The following CAST variants were observed in gnomAD, a reference collection of about 807,000 sequenced individuals.
The protein encoded by CAST is MIR583 host.
CAST carries 76 observed loss-of-function variants against 119.6 expected under a neutral mutation model. The observed-to-expected ratio is 0.64, with a 90% CI of 0.53 to 0.77. The LOEUF is 0.77. CAST is among the 30% of genes least tolerant of loss of function. CAST has a pLI of 0.00. For synonymous variants in CAST, 319 were observed against 331.6 expected (o/e 0.96, Z 0.41); for missense variants, 953 against 946.5 (o/e 1.01, Z -0.09).
the CAST span, among the ~76,000 whole-genome samples, chr5:96,387,545 C>A: frequency 8.9e-6 from 1 of 112,830 alleles, no homozygotes; most frequent in Admixed American, 9.5e-5. Context: ...TATTACAAAT[C>A]TCTCTTAACA....
chr5:96,574,588 A>G (rs560527685), intron 1 of CAST, among the ~76,000 whole-genome samples: 6 of 152,272 alleles, frequency 3.9e-5, no homozygotes, highest in African/African-American at 1.2e-4. Context: ...TATTTCATGC[A>G]TGGAGTCTAA....
chr5:96,667,586 G>A (rs561922771), intron 1 of CAST, among the ~76,000 whole-genome samples: 2 of 152,168 alleles, frequency 1.3e-5, no homozygotes, highest in Non-Finnish European at 2.9e-5. Flanking sequence ...GTGTCATCTT[G>A]TCATGTCCAC....
the CAST span, among the ~76,000 whole-genome samples, chr5:96,301,655 AG>A: frequency 6.6e-6 from 1 of 152,186 alleles, no homozygotes; most frequent in Non-Finnish European, 1.5e-5. Context: ...GCCCCATGCA[AG>A]TCCAAGCAGG....
the CAST span, chr5:96,408,208 C>T: frequency 1.3e-6 from 2 of 1,592,252 alleles, no homozygotes; most frequent in Non-Finnish European, 1.7e-6. Context: ...TGATTAGAAG[C>T]TTTCTGGGCC....
At chr5:96,002,409 G>A in the CAST span, among the ~76,000 whole-genome samples, 1 of 152,144 alleles carries the variant, frequency 6.6e-6, no homozygotes, top group Non-Finnish European at 1.5e-5. Context: ...TCACAGACAG[G>A]TCCTCTGCAT....
chr5:96,304,409 C>T, the CAST span, among the ~76,000 whole-genome samples: 1 of 152,202 alleles, frequency 6.6e-6, no homozygotes, highest in Non-Finnish European at 1.5e-5. Flanking sequence ...TTCCTGTTCA[C>T]TCTGATGATA....
the CAST span, among the ~76,000 whole-genome samples, chr5:95,999,115 C>A: frequency 7.9e-5 from 12 of 151,992 alleles, no homozygotes; most frequent in Non-Finnish European, 1.6e-4. Flanking sequence ...CCCAGTAAGA[C>A]CCCATGCCTA....
chr5:96,302,158 G>A, the CAST span, among the ~76,000 whole-genome samples: 10 of 152,134 alleles, frequency 6.6e-5, no homozygotes, highest in Admixed American at 2.0e-4. Flanking sequence ...CTTACAGCTT[G>A]CACCCTCTGG....
the CAST span, among the ~76,000 whole-genome samples, chr5:96,085,851 T>C: frequency 6.6e-6 from 1 of 152,210 alleles, no homozygotes. Flanking sequence ...AACATCCATA[T>C]CTTGTCCAGA....
the CAST span, among the ~76,000 whole-genome samples, chr5:96,194,310 C>T: frequency 2.0e-5 from 3 of 152,196 alleles, no homozygotes; most frequent in African/African-American, 4.8e-5. Context: ...TACTGAGACT[C>T]GCCTCAGACC....
intron 3 of CAST, among the ~76,000 whole-genome samples, chr5:96,722,014 C>T (rs6879175): frequency 0.012 from 1,828 of 152,310 alleles, 37 homozygotes; most frequent in South Asian, 0.033. Context: ...TTCACATCCA[C>T]CCAAGTCTAT....
At chr5:96,437,370 C>T in the CAST span, among the ~76,000 whole-genome samples, 5 of 152,112 alleles carry the variant, frequency 3.3e-5, no homozygotes, top group Admixed American at 1.3e-4. Flanking sequence ...TGGCCATATA[C>T]AAGTATTTAG....
intron 11 of CAST, 47 bp from the exon 12 acceptor site, chr5:96,739,991 C>A: frequency 1.2e-6 from 1 of 863,744 alleles, no homozygotes; most frequent in South Asian, 1.5e-5. Context: ...ATAGCATTGT[C>A]AGGTAATTAA....
At chr5:96,510,406 G>A in the CAST span, among the ~76,000 whole-genome samples, 25 of 152,252 alleles carry the variant, frequency 1.6e-4, no homozygotes, top group South Asian at 6.2e-4. Context: ...TATTCTCCAC[G>A]ATTATTAATG....
At chr5:95,994,373 C>T in the CAST span, among the ~76,000 whole-genome samples, 6 of 151,976 alleles carry the variant, frequency 3.9e-5, no homozygotes, top group Non-Finnish European at 7.4e-5. Flanking sequence ...TTTCAAAAAC[C>T]TTATGTTAAA....
the CAST span, among the ~76,000 whole-genome samples, chr5:96,512,959 T>C: frequency 6.6e-6 from 1 of 152,184 alleles, no homozygotes; most frequent in East Asian, 1.9e-4. Context: ...ATTACCATCT[T>C]GATATTTCTG....
chr5:96,411,033 G>T, the CAST span: 2 of 1,330,976 alleles, frequency 1.5e-6, no homozygotes, highest in Non-Finnish European at 2.2e-6. Context: ...ATCTATTGGG[G>T]TCATTGTTAT....
rs576861494 is a variant in CAST, at chr5:96,627,423, A to G, written c.61-48116A>G. Among the ~76,000 whole-genome samples, 14 of 152,290 alleles carry G rather than the reference A, an allele frequency of 9.2e-5. No individual in the cohort carries two copies. In the South Asian group the frequency reaches 2.9e-3, roughly 32 times the overall value. ...AATGACCCCCTTGACCATGATCATG[A>G]CCTTTTATTTTCATAAATAATGGTG... is the stretch of plus-strand genomic sequence containing the variant. On this transcript the variant is annotated intron_variant, in intron 1 of 11. Transcript: ENST00000505143.
intron 1 of CAST, among the ~76,000 whole-genome samples, chr5:96,669,411 G>T (rs1329488294): frequency 6.6e-6 from 1 of 152,050 alleles, no homozygotes; most frequent in Non-Finnish European, 1.5e-5. Context: ...AATGTTTATA[G>T]GTTTGTGGGA....
Sources: allele counts gnomAD v4.1 joint callset (sites outside exome capture counted in the v4.1 genomes callset), GRCh38; gene constraint gnomAD v4.1.1; transcripts MANE v1.5; gene names NCBI Gene and HGNC (gene_info 2026-07-23, HGNC 2026-07-21).